SMIM23: variants seen among roughly 807,000 people sequenced by gnomAD.
SMIM23 encodes CTB-78H18.1.
SMIM23 carries 10 observed loss-of-function variants against 12.8 expected under a neutral mutation model. That is an observed-to-expected ratio of 0.78 (90% CI 0.48 to 1.32). The LOEUF is 1.32. Ranked by LOEUF, SMIM23 falls within the 40% of genes most tolerant of loss-of-function variation. SMIM23 has a pLI of 0.00. For synonymous variants in SMIM23, 78 were observed against 80.1 expected, an observed-to-expected ratio of 0.97 and a Z score of 0.14; for missense variants, 184 against 198.2, an observed-to-expected ratio of 0.93 and a Z score of 0.43.
upstream of SMIM23, among the ~76,000 whole-genome samples, chr5:171,783,665 G>T (rs572395605): frequency 8.1e-4 from 123 of 152,326 alleles, 2 homozygotes; most frequent in African/African-American, 2.8e-3. Context: ...TCTTAGACTT[G>T]CCATGAAAGA....
chr5:171,784,526 T>C (rs1399116481), upstream of SMIM23, among the ~76,000 whole-genome samples: 1 of 136,432 alleles, frequency 7.3e-6, no homozygotes, highest in Non-Finnish European at 1.6e-5. Context: ...GAACAAATAG[T>C]GTAAACAGAT....
At chr5:171,775,791 C>T in the SMIM23 span, among the ~76,000 whole-genome samples, 2 of 152,218 alleles carry the variant, frequency 1.3e-5, no homozygotes, top group East Asian at 1.9e-4. Flanking sequence ...AGGAAGCCCA[C>T]GTTATCATCG....
Position 171,785,840 on chromosome 5 carries a change from T to A in SMIM23, c.-32T>A. Reference sequence around the variant, plus strand: ...GAAGGGTGCCCTTCTGTCTGTTGAGTGTGGTCCACCCAGGCAGCCAGATCT... The same window carrying A: ...GAAGGGTGCCCTTCTGTCTGTTGAGAGTGGTCCACCCAGGCAGCCAGATCT... On this transcript the variant is annotated 5_prime_UTR_variant, in exon 1 of 4. Transcript: ENST00000523047. 2.0e-6 allele frequency: 3 copies of A among 1,511,550 alleles called. No homozygotes were observed. The highest frequency in any genetic ancestry group is 1.8e-6 in the Non-Finnish European group (2 of 1,124,542). 93.6% of individuals were successfully genotyped at this position (1,511,550 alleles called of 1,614,324 possible). A position where few individuals can be genotyped will look rare whatever the true frequency, so the allele number is the denominator to read the frequency against.
upstream of SMIM23, among the ~76,000 whole-genome samples, chr5:171,784,421 C>T (rs907929526): frequency 6.6e-6 from 1 of 151,952 alleles, no homozygotes; most frequent in South Asian, 2.1e-4. Context: ...AGGAGGATGG[C>T]GTGAACCCGG....
upstream of SMIM23, among the ~76,000 whole-genome samples, chr5:171,783,652 A>C (rs1187819284): frequency 6.6e-6 from 1 of 152,268 alleles, no homozygotes; most frequent in African/African-American, 2.4e-5. Context: ...CTAGGTGAAG[A>C]GTTCTTAGAC....
the SMIM23 span, chr5:171,773,869 A>T: frequency 6.6e-6 from 3 of 456,376 alleles, no homozygotes; most frequent in Middle Eastern, 6.5e-4. Context: ...AAAAAATTAA[A>T]CATCTGTCTG....
chr5:171,776,500 G>A, the SMIM23 span, among the ~76,000 whole-genome samples: 1 of 152,140 alleles, frequency 6.6e-6, no homozygotes, highest in Non-Finnish European at 1.5e-5. Flanking sequence ...GGACTTCCAG[G>A]AACAGCGAAG....
Position 171,791,046 on chromosome 5 carries a change from G to A in SMIM23, c.477G>A (p.Gly159=), listed in dbSNP as rs977475660. ...AWALGREHKG[G]EGLLEISLSG... ...CCCTGGGGAGAGAGCACAAAGGTGG[G>A]GAGGGGTTGCTAGAGATTTCTCTAA... The change falls in exon 4 of 4, where the codon GGG becomes GGA. Residue 159 remains glycine, a synonymous_variant. Coordinates refer to ENST00000523047, the MANE Select transcript of SMIM23 (RefSeq NM_001289970.2). 6.6e-7 allele frequency: 1 copy of A among 1,526,478 alleles called. No individual in the cohort carries two copies. Among genetic ancestry groups the A allele is most frequent in the Non-Finnish European group, 8.8e-7 (1 of 1,142,226 alleles). The allele number at this position is 1,526,478 out of a possible 1,614,324, so 94.6% of individuals were successfully genotyped here.
At chr5:171,778,625 A>G (rs1199608781), upstream of SMIM23, among the ~76,000 whole-genome samples, 1 of 152,166 alleles carries the variant, frequency 6.6e-6, no homozygotes, top group Non-Finnish European at 1.5e-5. Context: ...CCCCTGAGGG[A>G]GCACAGCCAG....
chr5:171,784,931 C>G (rs886792326), upstream of SMIM23, among the ~76,000 whole-genome samples: 2 of 152,028 alleles, frequency 1.3e-5, no homozygotes, highest in African/African-American at 4.8e-5. Context: ...AAAGCCAATC[C>G]CCAAAGGTTA....
chr5:171,781,137 T>C (rs1755718989), upstream of SMIM23, among the ~76,000 whole-genome samples: 1 of 152,174 alleles, frequency 6.6e-6, no homozygotes, highest in South Asian at 2.1e-4. Flanking sequence ...AAGAAACTAA[T>C]TAGTCAGATA....
At chr5:171,772,783 C>T in the SMIM23 span, among the ~76,000 whole-genome samples, 1 of 152,190 alleles carries the variant, frequency 6.6e-6, no homozygotes, top group Non-Finnish European at 1.5e-5. Context: ...CTAAAGGTCT[C>T]TCCATACATT....
chr5:171,781,347 GC>G (rs1755722120), upstream of SMIM23, among the ~76,000 whole-genome samples: 1 of 152,190 alleles, frequency 6.6e-6, no homozygotes, highest in Non-Finnish European at 1.5e-5. Flanking sequence ...AGACAAGACA[GC>G]CCCGGCTAAG....
At chr5:171,774,521 T>G in the SMIM23 span, 1 of 456,166 alleles carries the variant, frequency 2.2e-6, no homozygotes, top group Non-Finnish European at 4.4e-6. Flanking sequence ...ATTTCAGCAG[T>G]CCCACGCCCC....
Position 171,790,506 on chromosome 5 carries a change from G to C in SMIM23, c.182G>C (p.Arg61Thr), listed in dbSNP as rs895384281. ...IWGSSWEVSERIRECNYYQNL... is the reference protein window; with the variant it reads ...IWGSSWEVSETIRECNYYQNL... Reference sequence around the variant, plus strand: ...GGAAGCAGTTGGGAGGTGTCAGAAAGGATCAGAGAATGTAACTACTACCAG... The same window carrying C: ...GGAAGCAGTTGGGAGGTGTCAGAAACGATCAGAGAATGTAACTACTACCAG... Residue 61 changes from arginine to threonine, a missense_variant, in exon 3 of 4, where the codon AGG (arginine) becomes ACG (threonine). Coordinates refer to ENST00000523047, the MANE Select transcript of SMIM23 (RefSeq NM_001289970.2). 69 of 1,536,656 alleles carry C rather than the reference G, an allele frequency of 4.5e-5. No homozygotes were observed. The highest frequency in any genetic ancestry group is 5.9e-5 in the Non-Finnish European group (68 of 1,147,072).
intron 1 of SMIM23, among the ~76,000 whole-genome samples, chr5:171,788,947 C>G (rs1296197395): frequency 6.6e-6 from 1 of 152,252 alleles, no homozygotes; most frequent in Non-Finnish European, 1.5e-5. Context: ...TCAAGCGATG[C>G]TCCTGCCTCA....
upstream of SMIM23, among the ~76,000 whole-genome samples, chr5:171,777,845 C>G (rs1339850497): frequency 2.0e-5 from 3 of 152,128 alleles, no homozygotes; most frequent in East Asian, 5.8e-4. Context: ...AGCCTTGTCT[C>G]CCACTTCAAG....
intron 1 of SMIM23, among the ~76,000 whole-genome samples, chr5:171,789,124 C>T (rs938116515): frequency 3.9e-5 from 6 of 152,232 alleles, no homozygotes; most frequent in African/African-American, 7.2e-5. Flanking sequence ...CGTGCGCCAC[C>T]GCGCCTGGCC....
upstream of SMIM23, among the ~76,000 whole-genome samples, chr5:171,781,595 C>T (rs568745838): frequency 7.9e-4 from 120 of 151,860 alleles, no homozygotes; most frequent in Non-Finnish European, 1.3e-3. Flanking sequence ...TTTGTGTGTC[C>T]GTGTCCTAAA....
Sources: gnomAD v4.1 joint callset for allele counts (sites outside exome capture counted in the v4.1 genomes callset) on GRCh38, gnomAD v4.1.1 for gene constraint, MANE v1.5 for transcripts, NCBI Gene and HGNC (gene_info 2026-07-23, HGNC 2026-07-21) for gene names.